Variants in LRCH3 observed in about 807,000 individuals in gnomAD.
The protein encoded by LRCH3 is DISP complex protein LRCH3.
Under a neutral mutation model 104.5 loss-of-function variants are expected in LRCH3, and 68 were observed. The observed-to-expected ratio is 0.65, with a 90% confidence interval of 0.54 to 0.80. The LOEUF is 0.80. Ranked by LOEUF, LRCH3 falls within the 30% of genes least tolerant of loss-of-function variation. The pLI is 0.00. For synonymous variants in LRCH3, 344 were observed against 361.3 expected (o/e 0.95, Z 0.54); for missense variants, 951 against 953.9 (o/e 1.00, Z 0.04).
intron 20 of LRCH3, among the ~76,000 whole-genome samples, chr3:197,878,963 A>C (rs1030816175): frequency 4.6e-5 from 7 of 152,252 alleles, no homozygotes; most frequent in African/African-American, 1.4e-4. Flanking sequence ...AAGATAGATA[A>C]AGACAAATAA....
At chr3:197,882,770 A>G in intron 20 of LRCH3, 2 of 985,376 alleles carry the variant, frequency 2.0e-6, no homozygotes, top group Non-Finnish European at 2.4e-6. Context: ...TTCCTCAAGC[A>G]AACAGTGTCA....
intron 16 of LRCH3, 126 bp downstream of exon 16, chr3:197,865,597 C>G (rs1741391470): frequency 1.9e-6 from 1 of 515,656 alleles, no homozygotes; most frequent in East Asian, 3.8e-5. Context: ...AACTCCTGGG[C>G]TCAAGGGATC....
At chr3:197,837,652 C>T (rs1737028240) in intron 9 of LRCH3, among the ~76,000 whole-genome samples, 1 of 151,990 alleles carries the variant, frequency 6.6e-6, no homozygotes, top group Non-Finnish European at 1.5e-5. Context: ...CCTGTCTGAA[C>T]ATGGTATGAT....
intron 20 of LRCH3, among the ~76,000 whole-genome samples, chr3:197,880,039 G>A (rs9754697): frequency 3.6e-4 from 53 of 148,522 alleles, no homozygotes; most frequent in Non-Finnish European, 6.6e-4. Context: ...TCCGCCTCCC[G>A]GGTTCCCGCC....
chr3:197,824,760 T>TG, intron 4 of LRCH3, among the ~76,000 whole-genome samples: 1 of 151,530 alleles, frequency 6.6e-6, no homozygotes, highest in Middle Eastern at 3.4e-3. Context: ...TTAGTAGAGA[T>TG]GGGGTTTTAC....
intron 20 of LRCH3, chr3:197,880,970 G>T: frequency 7.5e-7 from 1 of 1,340,894 alleles, no homozygotes; most frequent in East Asian, 3.0e-5. Context: ...CTGGCCTGTG[G>T]CCTTGTTTCT....
chr3:197,822,066 A>T (rs1734557544), intron 4 of LRCH3, among the ~76,000 whole-genome samples: 1 of 152,232 alleles, frequency 6.6e-6, no homozygotes, highest in Non-Finnish European at 1.5e-5. Flanking sequence ...ATTTAGTTCT[A>T]ACATACTAGT....
At chr3:197,821,647 G>C (rs1734502010) in intron 4 of LRCH3, among the ~76,000 whole-genome samples, 1 of 152,136 alleles carries the variant, frequency 6.6e-6, no homozygotes, top group Non-Finnish European at 1.5e-5. Flanking sequence ...TGGGTTCTTT[G>C]ACAAAATATG....
rs1271277857 is a variant in LRCH3, at chr3:197,885,477, G to A, written c.*1811G>A. 4 of 152,260 alleles carry A rather than the reference G, an allele frequency of 2.6e-5. No homozygotes were observed. Among genetic ancestry groups the A allele is most frequent in the African/African-American group, 7.2e-5 (3 of 41,450 alleles). 9.4% of individuals were successfully genotyped at this position (152,260 alleles called of 1,614,324 possible). ...AATACAAAATTAGCTGGGCGTGGTG[G>A]TGCATGCCTGTAATCCCAGCTACTC... On this transcript the variant is annotated 3_prime_UTR_variant, in exon 21 of 21. Transcript: ENST00000425562.
chr3:197,874,495 G>A (rs1256881811), intron 19 of LRCH3, among the ~76,000 whole-genome samples: 1 of 152,092 alleles, frequency 6.6e-6, no homozygotes, highest in Non-Finnish European at 1.5e-5. Flanking sequence ...CTACATTACG[G>A]TAGATTTCAT....
intron 10 of LRCH3, 70 bp from the exon 11 acceptor site, chr3:197,847,339 T>A (rs975733095): frequency 1.5e-6 from 2 of 1,377,298 alleles, no homozygotes; most frequent in Admixed American, 4.6e-5. Context: ...AAAATTTCAT[T>A]TGTTTTTTAT....
At chr3:197,836,294 T>G in intron 9 of LRCH3, among the ~76,000 whole-genome samples, 1 of 152,258 alleles carries the variant, frequency 6.6e-6, no homozygotes, top group Non-Finnish European at 1.5e-5. Context: ...TTGTGCTAAG[T>G]CACACAGAAT....
At chr3:197,796,805 A>G (rs1731255227) in intron 1 of LRCH3, among the ~76,000 whole-genome samples, 1 of 152,236 alleles carries the variant, frequency 6.6e-6, no homozygotes, top group South Asian at 2.1e-4. Context: ...TGTGTTATTG[A>G]TCAATAATTA....
At chr3:197,868,484 G>A (rs76092233) in intron 17 of LRCH3, among the ~76,000 whole-genome samples, 1 of 152,152 alleles carries the variant, frequency 6.6e-6, no homozygotes, top group African/African-American at 2.4e-5. Flanking sequence ...GGATGACTGT[G>A]TACCCTATGA....
chr3:197,850,412 C>T (rs1301374212), intron 12 of LRCH3: 26 of 1,385,928 alleles, frequency 1.9e-5, no homozygotes, highest in South Asian at 4.8e-5. Flanking sequence ...ACTCCCGTGC[C>T]GTAAGTTTTT....
intron 5 of LRCH3, among the ~76,000 whole-genome samples, chr3:197,827,748 A>C (rs1460129019): frequency 2.0e-5 from 3 of 151,680 alleles, no homozygotes; most frequent in Non-Finnish European, 2.9e-5. Context: ...TAATTTCTTT[A>C]TTTTTTTCTA....
intron 20 of LRCH3, chr3:197,881,539 C>A: frequency 1.0e-6 from 1 of 985,166 alleles, no homozygotes; most frequent in African/African-American, 1.7e-5. Flanking sequence ...CTAACATATT[C>A]AAACCTTCTT....
At chr3:197,846,970 T>C (rs1418165880) in intron 10 of LRCH3, among the ~76,000 whole-genome samples, 5 of 152,236 alleles carry the variant, frequency 3.3e-5, no homozygotes, top group African/African-American at 1.2e-4. Context: ...GCTTCATCGA[T>C]TGAAAATAAG....
intron 17 of LRCH3, among the ~76,000 whole-genome samples, chr3:197,868,413 C>T (rs540864746): frequency 1.3e-5 from 2 of 152,254 alleles, no homozygotes; most frequent in South Asian, 2.1e-4. Context: ...GTGACTTGAG[C>T]GTCCACAAAG....
Sources: gnomAD v4.1 joint callset for allele counts (sites outside exome capture counted in the v4.1 genomes callset) on GRCh38, gnomAD v4.1.1 for gene constraint, MANE v1.5 for transcripts, NCBI Gene and HGNC (gene_info 2026-07-23, HGNC 2026-07-21) for gene names.